The following KAT2B variants were observed in gnomAD, a reference collection of about 807,000 sequenced individuals.
KAT2B encodes the protein histone acetyltransferase KAT2B.
In KAT2B, 36 loss-of-function variants were observed where a neutral mutation model predicts 105.9. That is an observed-to-expected ratio of 0.34 (90% CI 0.26 to 0.45). KAT2B has a LOEUF of 0.45. Ranked by LOEUF, KAT2B falls within the 20% of genes least tolerant of loss-of-function variation. The pLI is 1.00. For synonymous variants in KAT2B, 397 were observed against 377.9 expected, an observed-to-expected ratio of 1.05 and a Z score of -0.59; for missense variants, 820 against 1,021.6, an observed-to-expected ratio of 0.80 and a Z score of 2.69.
At chr3:20,152,219 G>T in intron 17 of KAT2B, 113 bp from the exon 18 acceptor site, 1 of 620,910 alleles carries the variant, frequency 1.6e-6, no homozygotes, top group Non-Finnish European at 2.7e-6. Flanking sequence ...AAAAGCATTG[G>T]GATGATAAAA....
At chr3:20,139,263 T>G (rs1045604887) in intron 12 of KAT2B, among the ~76,000 whole-genome samples, 1 of 152,152 alleles carries the variant, frequency 6.6e-6, no homozygotes, top group Non-Finnish European at 1.5e-5. Context: ...AGAAAGCTTT[T>G]TGTGCTCTGA....
intron 1 of KAT2B, among the ~76,000 whole-genome samples, chr3:20,059,453 C>G (rs936976206): frequency 7.6e-5 from 11 of 145,232 alleles, no homozygotes; most frequent in Admixed American, 1.4e-4. Context: ...CGTGGTGCCT[C>G]ACGCTTGTAA....
chr3:20,065,916 A>T (rs562164282), intron 1 of KAT2B, among the ~76,000 whole-genome samples: 3 of 152,260 alleles, frequency 2.0e-5, no homozygotes, highest in Non-Finnish European at 4.4e-5. Context: ...GGCCGCATGT[A>T]TTATTTAACA....
chr3:20,099,368 C>T (rs1345609054), intron 3 of KAT2B, among the ~76,000 whole-genome samples: 1 of 152,226 alleles, frequency 6.6e-6, no homozygotes, highest in Non-Finnish European at 1.5e-5. Context: ...TAGACAGCTC[C>T]TGTCCCCTGG....
At position 20,083,100 on chromosome 3, in the gene KAT2B, GT is replaced by G. The variant is rs777445881; in HGVS notation, c.430+10642del. Among the ~76,000 whole-genome samples, 73 of 152,324 alleles carry G rather than the reference GT, an allele frequency of 4.8e-4. 1 individual carries two copies. Among genetic ancestry groups the G allele is most frequent in the South Asian group, 4.4e-3 (21 of 4,826 alleles). Reference sequence around the variant, plus strand: ...GGAATAGTCTCTCACTACTGATACAGTGTACATTGATGCACATCTTGATGAG... The same window carrying G: ...GGAATAGTCTCTCACTACTGATACAGGTACATTGATGCACATCTTGATGAG... On this transcript the variant is annotated intron_variant, in intron 2 of 17. Coordinates refer to ENST00000263754, the MANE Select transcript of KAT2B (RefSeq NM_003884.5).
chr3:20,109,283 C>CAGATAGAT (rs111929078), intron 5 of KAT2B, among the ~76,000 whole-genome samples: 7,209 of 149,294 alleles, frequency 0.048, 239 homozygotes, highest in Middle Eastern at 0.086. Flanking sequence ...CCCTCAGCCC[C>CAGATAGAT]AGATAGATAG....
intron 1 of KAT2B, among the ~76,000 whole-genome samples, chr3:20,050,216 G>T (rs1192774645): frequency 6.8e-6 from 1 of 146,268 alleles, no homozygotes; most frequent in African/African-American, 2.5e-5. Flanking sequence ...AAAAAAAAAA[G>T]ATTTAGAAGT....
At position 20,121,730 on chromosome 3, in the gene KAT2B, ATATGTGTGTG is replaced by A. The variant is rs1414815665; in HGVS notation, c.1277-936_1277-927del. On this transcript the variant is annotated intron_variant, in intron 8 of 17. Coordinates refer to ENST00000263754, the MANE Select transcript of KAT2B (RefSeq NM_003884.5). ...TATATATGCATACATACACATATGC[ATATGTGTGTG>A]TGTGTGTGTGTGTGTGTGTGTGTGT... 5.7e-4 allele frequency among the ~76,000 whole-genome samples: 53 copies of A among 92,576 alleles called. 1 individual carries two copies. The highest frequency in any genetic ancestry group is 2.7e-3 in the South Asian group (9 of 3,396). The allele number at this position is 92,576 out of a possible 152,430, so 60.7% of individuals were successfully genotyped here.
chr3:20,145,416 CAG>C (rs1173923895), intron 13 of KAT2B, among the ~76,000 whole-genome samples: 1 of 151,944 alleles, frequency 6.6e-6, no homozygotes, highest in East Asian at 1.9e-4. Flanking sequence ...CAGTATTTAC[CAG>C]CTATATGTTT....
At chr3:20,100,808 A>C (rs910787501) in intron 4 of KAT2B, among the ~76,000 whole-genome samples, 1 of 152,228 alleles carries the variant, frequency 6.6e-6, no homozygotes, top group African/African-American at 2.4e-5. Flanking sequence ...GACTTCAAAC[A>C]AATGATAGTA....
intron 2 of KAT2B, among the ~76,000 whole-genome samples, chr3:20,082,201 A>AT (rs1184970076): frequency 2.0e-5 from 3 of 151,728 alleles, no homozygotes; most frequent in Admixed American, 2.0e-4. Context: ...TGCCCAGCTA[A>AT]TTTTTTTATT....
chr3:20,133,823 C>T (rs73818824), intron 11 of KAT2B, among the ~76,000 whole-genome samples: 4,942 of 152,220 alleles, frequency 0.032, 226 homozygotes, highest in East Asian at 0.2. Flanking sequence ...ATTTGCACGC[C>T]GTCAAGTGCA....
rs76975917 is a variant in KAT2B at position 20,121,006 on chromosome 3, G to C, written c.1276+1283G>C. Among the ~76,000 whole-genome samples the C allele has an allele frequency of 2.2e-3, 329 of 151,986 alleles. 1 individual carries two copies. The highest frequency in any genetic ancestry group is 6.8e-3 in the African/African-American group (283 of 41,470). On this transcript the variant is annotated intron_variant, in intron 8 of 17. Transcript: ENST00000263754. Reference sequence around the variant, plus strand: ...TTAAAAAAAATCATAAACACCATTAGCAGTCTAACAAGCAGAGGGCATATC... The same window carrying C: ...TTAAAAAAAATCATAAACACCATTACCAGTCTAACAAGCAGAGGGCATATC...
chr3:20,116,613 A>G (rs557418198), intron 7 of KAT2B, among the ~76,000 whole-genome samples: 18 of 152,226 alleles, frequency 1.2e-4, no homozygotes, highest in South Asian at 6.2e-4. Context: ...CTCACCTCAT[A>G]TTATCCTAGC....
At chr3:20,089,729 G>T (rs548304141) in intron 2 of KAT2B, among the ~76,000 whole-genome samples, 4 of 152,020 alleles carry the variant, frequency 2.6e-5, no homozygotes, top group Non-Finnish European at 5.9e-5. Context: ...TTTATAGTTT[G>T]CAGTGTACAT....
chr3:20,069,509 T>TTTTTCTTTTC (rs71853298), intron 1 of KAT2B, among the ~76,000 whole-genome samples: 3 of 141,428 alleles, frequency 2.1e-5, no homozygotes, highest in Non-Finnish European at 4.6e-5. Flanking sequence ...AGAGCTTTTC[T>TTTTTCTTTTC]TTTTCTTTTC....
chr3:20,127,498 AG>A lies in KAT2B; in HGVS notation c.1700del (p.Gly567AspfsTer10). 6.2e-7 allele frequency: 1 copy of A among 1,613,506 alleles called. No individual in the cohort carries two copies. Among genetic ancestry groups the A allele is most frequent in the South Asian group, 1.1e-5 (1 of 91,082 alleles). ...TCTGTTTCCGTATGTTCCCATCTCA[AG>A]GATTCACAGAGATTGTCTTCTGTGC... ...GICFRMFPSQ[G>X]FTEIVFCAVT... On this transcript the variant is annotated frameshift_variant, in exon 11 of 18. Coordinates refer to ENST00000263754, the MANE Select transcript of KAT2B (RefSeq NM_003884.5). LOFTEE classifies it high-confidence loss of function.
At chr3:20,094,238 G>T (rs1247390720) in intron 2 of KAT2B, among the ~76,000 whole-genome samples, 1 of 152,142 alleles carries the variant, frequency 6.6e-6, no homozygotes, top group African/African-American at 2.4e-5. Context: ...AGGAAGGCAA[G>T]TCTTACATGG....
intron 3 of KAT2B, among the ~76,000 whole-genome samples, chr3:20,099,122 G>C (rs1698862686): frequency 6.6e-6 from 1 of 152,168 alleles, no homozygotes; most frequent in Admixed American, 6.6e-5. Flanking sequence ...TTGGTAAGTG[G>C]CTCTGTGTTC....
Sources: allele counts gnomAD v4.1 joint callset (sites outside exome capture counted in the v4.1 genomes callset), GRCh38; gene constraint gnomAD v4.1.1; transcripts MANE v1.5; gene names NCBI Gene and HGNC (gene_info 2026-07-23, HGNC 2026-07-21).